SV2C: variants seen among roughly 807,000 people sequenced by gnomAD.
The protein encoded by SV2C is solute carrier family 22 member B3.
In SV2C, 49 loss-of-function variants were observed where a neutral mutation model predicts 79.7. That is an observed-to-expected ratio of 0.61 (90% CI 0.49 to 0.78). The LOEUF (loss-of-function observed/expected upper bound fraction) is 0.78. Among genes scored for constraint, SV2C ranks in the 30% least tolerant of loss-of-function variants. SV2C has a pLI of 0.00. For synonymous variants in SV2C, 334 were observed against 333.2 expected (o/e 1.00, Z -0.03); for missense variants, 833 against 912.9 (o/e 0.91, Z 1.13).
chr5:76,249,886 C>T (rs2112436811), intron 4 of SV2C, among the ~76,000 whole-genome samples: 1 of 152,270 alleles, frequency 6.6e-6, no homozygotes, highest in East Asian at 1.9e-4. Context: ...CTCAGTCAAC[C>T]ATACAGCAGC....
the SV2C span, among the ~76,000 whole-genome samples, chr5:76,052,352 C>T: frequency 7.0e-4 from 106 of 152,230 alleles, no homozygotes; most frequent in African/African-American, 2.4e-3. Context: ...ATTCTGCTGT[C>T]TCATTTGTTA....
chr5:75,946,321 G>A, the SV2C span, among the ~76,000 whole-genome samples: 1 of 152,078 alleles, frequency 6.6e-6, no homozygotes, highest in South Asian at 2.1e-4. Flanking sequence ...TTTTGGAAAA[G>A]ATCATCATTT....
rs375351450 is a variant in SV2C, at chr5:76,130,145, T to TAAAAAA, written c.-101-1475_-101-1470dup. ...CTCCCTTTCTCTTCCTCTCAGTTCT[T>TAAAAAA]AAAAAAAAAAAAAAAAAAAAAAAAA... On this transcript the variant is annotated intron_variant, in intron 1 of 12. Coordinates refer to ENST00000502798, the MANE Select transcript of SV2C (RefSeq NM_014979.4). 3.6e-3 allele frequency among the ~76,000 whole-genome samples: 246 copies of TAAAAAA among 67,772 alleles called. 3 individuals are homozygous for TAAAAAA. The highest frequency in any genetic ancestry group is 7.1e-3 in the African/African-American group (81 of 11,438). 44.5% of individuals were successfully genotyped at this position (67,772 alleles called of 152,430 possible). A position where few individuals can be genotyped will look rare whatever the true frequency, so the allele number is the denominator to read the frequency against.
chr5:76,181,732 C>T (rs1743739736), intron 2 of SV2C, among the ~76,000 whole-genome samples: 1 of 152,116 alleles, frequency 6.6e-6, no homozygotes, highest in African/African-American at 2.4e-5. Context: ...CCCACCAGGC[C>T]CCACCTTCAA....
At chr5:76,168,810 G>A (rs778274006) in intron 2 of SV2C, among the ~76,000 whole-genome samples, 2 of 152,190 alleles carry the variant, frequency 1.3e-5, no homozygotes, top group Non-Finnish European at 2.9e-5. Flanking sequence ...CCAGGGCAGT[G>A]CCAGCGACAC....
At chr5:76,208,831 TA>T (rs1018765344) in intron 3 of SV2C, among the ~76,000 whole-genome samples, 63 of 152,228 alleles carry the variant, frequency 4.1e-4, no homozygotes, top group Non-Finnish European at 3.1e-4. Flanking sequence ...GGAGTGATAG[TA>T]ATATTTTTCT....
At chr5:76,096,207 T>C (rs1747553635) in intron 1 of SV2C, among the ~76,000 whole-genome samples, 1 of 152,192 alleles carries the variant, frequency 6.6e-6, no homozygotes, top group Admixed American at 6.5e-5. Context: ...TTAACTTCTA[T>C]CTTTTCCCTA....
At chr5:75,961,630 A>T in the SV2C span, among the ~76,000 whole-genome samples, 1 of 152,010 alleles carries the variant, frequency 6.6e-6, no homozygotes, top group Non-Finnish European at 1.5e-5. Context: ...TTTCTGTTTT[A>T]AAATTTTAAT....
At chr5:76,183,122 C>T (rs1349937368) in intron 2 of SV2C, among the ~76,000 whole-genome samples, 1 of 149,258 alleles carries the variant, frequency 6.7e-6, no homozygotes. Flanking sequence ...CTGCACCCTC[C>T]ACCTCCCAGG....
At chr5:76,090,954 C>T (rs986342657) in intron 1 of SV2C, among the ~76,000 whole-genome samples, 3 of 152,150 alleles carry the variant, frequency 2.0e-5, no homozygotes, top group African/African-American at 4.8e-5. Context: ...TTTCAAGCTC[C>T]GACTAGCCTC....
chr5:76,335,444 G>A (rs1419305999), downstream of SV2C, among the ~76,000 whole-genome samples: 1 of 48,648 alleles, frequency 2.1e-5, no homozygotes, highest in Non-Finnish European at 3.8e-5. Context: ...TTTTTTTATT[G>A]ATCATTCTTG....
rs146540275 is a variant in SV2C at position 76,217,716 on chromosome 5, C to A, written c.913+7829C>A. Among the ~76,000 whole-genome samples the A allele has an allele frequency of 6.8e-3, 1,025 of 151,718 alleles. 8 individuals are homozygous for A. Among genetic ancestry groups the A allele is most frequent in the Non-Finnish European group, 0.011 (728 of 67,902 alleles). Reference sequence around the variant, plus strand: ...GGGAGAAGGAACTAAAAAGCATAAACCCTGCCTAAAGTTTGAGATTAGAGA... The same window carrying A: ...GGGAGAAGGAACTAAAAAGCATAAAACCTGCCTAAAGTTTGAGATTAGAGA... On this transcript the variant is annotated intron_variant, in intron 4 of 12. Coordinates refer to ENST00000502798, the MANE Select transcript of SV2C (RefSeq NM_014979.4).
chr5:76,046,559 T>A, the SV2C span, among the ~76,000 whole-genome samples: 1 of 152,188 alleles, frequency 6.6e-6, no homozygotes, highest in Non-Finnish European at 1.5e-5. Flanking sequence ...CCTCAAAAAG[T>A]TTTCCTACTG....
chr5:75,894,686 C>A, the SV2C span, among the ~76,000 whole-genome samples: 1 of 152,020 alleles, frequency 6.6e-6, no homozygotes, highest in Non-Finnish European at 1.5e-5. Context: ...ATCCTAGCAA[C>A]CTGAGGTGAT....
the SV2C span, among the ~76,000 whole-genome samples, chr5:76,069,788 C>G: frequency 1.4e-3 from 212 of 148,678 alleles, no homozygotes; most frequent in African/African-American, 5.4e-3. Context: ...TCTCTCCTCT[C>G]TCTCTTTCTC....
At position 76,326,994 on chromosome 5, in the gene SV2C, T is replaced by C. The variant is rs1749030374; in HGVS notation, c.*1447T>C. 1 of 152,204 alleles carries C rather than the reference T, an allele frequency of 6.6e-6. No homozygotes were observed. The highest frequency in any genetic ancestry group is 2.4e-5 in the African/African-American group (1 of 41,440). The allele number at this position is 152,204 out of a possible 1,614,324, so 9.4% of individuals were successfully genotyped here. Reference sequence around the variant, plus strand: ...CCCATATTTAAACAATATTCCTTTTTTAACTGCCTCGATAGAGGTTTATTC... The same window carrying C: ...CCCATATTTAAACAATATTCCTTTTCTAACTGCCTCGATAGAGGTTTATTC... On this transcript the variant is annotated 3_prime_UTR_variant, in exon 13 of 13. Coordinates refer to ENST00000502798, the MANE Select transcript of SV2C (RefSeq NM_014979.4).
At chr5:76,337,981 G>A (rs1749359794), downstream of SV2C, among the ~76,000 whole-genome samples, 1 of 152,192 alleles carries the variant, frequency 6.6e-6, no homozygotes, top group South Asian at 2.1e-4. Context: ...AGCCCTGGTG[G>A]CTCCAAGGGG....
intron 4 of SV2C, among the ~76,000 whole-genome samples, chr5:76,259,497 A>T (rs1746395654): frequency 6.6e-6 from 1 of 152,158 alleles, no homozygotes; most frequent in African/African-American, 2.4e-5. Flanking sequence ...TTTGTTACAT[A>T]GGTATATGTG....
At chr5:76,020,305 T>C in the SV2C span, among the ~76,000 whole-genome samples, 1 of 152,302 alleles carries the variant, frequency 6.6e-6, no homozygotes, top group East Asian at 1.9e-4. Flanking sequence ...GGGCACAAGA[T>C]ACTCTACAAA....
Sources: gnomAD v4.1 joint callset for allele counts (sites outside exome capture counted in the v4.1 genomes callset) on GRCh38, gnomAD v4.1.1 for gene constraint, MANE v1.5 for transcripts, NCBI Gene and HGNC (gene_info 2026-07-23, HGNC 2026-07-21) for gene names.